The following POFUT2 variants were observed in gnomAD, a reference collection of about 807,000 sequenced individuals.
The protein encoded by POFUT2 is GDP-fucose protein O-fucosyltransferase 2.
A neutral mutation model predicts 55.0 loss-of-function variants in POFUT2; 30 were observed. That is an observed-to-expected ratio of 0.55 (90% CI 0.41 to 0.74). The LOEUF is 0.74. Ranked by LOEUF, POFUT2 falls within the 30% of genes least tolerant of loss-of-function variation. The pLI, the probability that POFUT2 is intolerant of heterozygous loss-of-function variation, is 0.00. For missense variants in POFUT2, 524 were observed against 562.6 expected (o/e 0.93, Z 0.69); for synonymous variants, 267 against 231.1 (o/e 1.16, Z -1.41).
chr21:45,267,130 G>C lies in POFUT2; in HGVS notation c.1136+460C>G. The C allele has an allele frequency of 8.2e-7, 1 of 1,225,718 alleles. No individual in the cohort carries two copies. Among genetic ancestry groups the C allele is most frequent in the Admixed American group, 4.0e-5 (1 of 25,080 alleles). The allele number at this position is 1,225,718 out of a possible 1,614,324, so 75.9% of individuals were successfully genotyped here. On this transcript the variant is annotated intron_variant, in intron 8 of 8. Transcript: ENST00000349485. This position sits in a 1 kb window ranked among gnomAD's most constrained non-coding sequence, Gnocchi z 4.4. ...GATCACACGAGGGCCCATGCTCCCA[G>C]CCTTGGGGACGCTCATGGCAGCCCC...
At chr21:45,279,359 C>T (rs974049762) in intron 4 of POFUT2, among the ~76,000 whole-genome samples, 5 of 152,158 alleles carry the variant, frequency 3.3e-5, no homozygotes, top group Non-Finnish European at 5.9e-5. Flanking sequence ...CGCGCCACTG[C>T]ACTCCAGCCT....
At position 45,287,839 on chromosome 21, in the gene POFUT2, C is replaced by A; in HGVS notation, c.33G>T (p.Leu11=). The change falls in exon 1 of 9, where the codon CTG becomes CTT. Residue 11 remains leucine (L), a synonymous_variant. Coordinates refer to ENST00000349485, the MANE Select transcript of POFUT2 (RefSeq NM_133635.6). ...AAGCCGGAGGCCAGGACACTGCCCC[C>A]AGCAGCAGGAAGACGAAGCTGAGTG... MATLSFVFLL[L]GAVSWPPASA... is the part of the protein sequence containing the mutation. 6.9e-7 allele frequency: 1 copy of A among 1,453,110 alleles called. No individual in the cohort carries two copies. The highest frequency in any genetic ancestry group is 9.1e-7 in the Non-Finnish European group (1 of 1,095,528). 90.0% of individuals were successfully genotyped at this position (1,453,110 alleles called of 1,614,324 possible).
rs1233069929 is a variant in POFUT2 at position 45,267,663 on chromosome 21, T to C, written c.1063A>G (p.Thr355Ala). 6.2e-7 allele frequency: 1 copy of C among 1,614,222 alleles called. No individual in the cohort carries two copies. The highest frequency in any genetic ancestry group is 1.1e-5 in the South Asian group (1 of 91,090). ...LLPEMVRFEP[T>A]WEELELYKDG... Reference sequence around the variant, plus strand: ...TTGTAGAGCTCCAGCTCCTCCCACGTGGGTTCAAACCTCACCATCTCGGGT... The same window carrying C: ...TTGTAGAGCTCCAGCTCCTCCCACGCGGGTTCAAACCTCACCATCTCGGGT... The change falls in exon 8 of 9, where the codon ACG (threonine) becomes GCG (alanine). Residue 355 changes from threonine to alanine, a missense_variant. This residue lies in a region of POFUT2 where 250 missense variants were observed against 318.2 expected (regional missense o/e 0.79). Coordinates refer to ENST00000349485, the MANE Select transcript of POFUT2 (RefSeq NM_133635.6). The surrounding 1 kb of genome is among the most constrained non-coding windows in gnomAD (Gnocchi z 4.4).
chr21:45,275,190 T>C (rs2093251869), intron 6 of POFUT2, among the ~76,000 whole-genome samples: 1 of 152,096 alleles, frequency 6.6e-6, no homozygotes, highest in Non-Finnish European at 1.5e-5. Flanking sequence ...TCACTAATGA[T>C]CAGGGAAATG....
rs1167856331 is a variant in POFUT2 at position 45,287,815 on chromosome 21, A to C, written c.57T>G (p.Ala19=). 3 of 1,502,590 alleles carry C rather than the reference A, an allele frequency of 2.0e-6. No individual in the cohort carries two copies. Among genetic ancestry groups the C allele is most frequent in the African/African-American group, 2.9e-5 (2 of 68,788 alleles). The allele number at this position is 1,502,590 out of a possible 1,614,324, so 93.1% of individuals were successfully genotyped here. A position where few individuals can be genotyped will look rare whatever the true frequency, so the allele number is the denominator to read the frequency against. ...GCCAGAACTCCTGGCCGGAGGCAGA[A>C]GCCGGAGGCCAGGACACTGCCCCCA... The part of the protein sequence containing the change: ...LLLGAVSWPP[A]SASGQEFWPG... The change falls in exon 1 of 9, where the codon GCT becomes GCG. Residue 19 remains alanine (A), a synonymous_variant. Transcript: ENST00000349485.
intron 3 of POFUT2, 22 bp downstream of exon 3, chr21:45,283,361 G>A (rs752131795): frequency 3.2e-6 from 5 of 1,583,038 alleles, no homozygotes; most frequent in South Asian, 2.2e-5. Context: ...CCTGCGGCAG[G>A]GGGAGCAGCC....
intron 1 of POFUT2, among the ~76,000 whole-genome samples, chr21:45,287,485 C>T (rs574439321): frequency 1.3e-5 from 1 of 77,292 alleles, no homozygotes; most frequent in African/African-American, 5.6e-5. Flanking sequence ...CCGCCACATT[C>T]CTTGCCCCAG....
Position 45,281,285 on chromosome 21 carries a change from A to G in POFUT2, c.638+1064T>C, listed in dbSNP as rs2030607058. ...AAAAACTGACTGGCAAGACTGTTCCACAGGCCCCAAACGTAGGCAGACTGG... is the reference window on the plus strand; with the variant it reads ...AAAAACTGACTGGCAAGACTGTTCCGCAGGCCCCAAACGTAGGCAGACTGG... On this transcript the variant is annotated intron_variant, in intron 4 of 8. Coordinates refer to ENST00000349485, the MANE Select transcript of POFUT2 (RefSeq NM_133635.6). This position sits in a 1 kb window ranked among gnomAD's most constrained non-coding sequence, Gnocchi z 5.0. 6.6e-6 allele frequency among the ~76,000 whole-genome samples: 1 copy of G among 152,224 alleles called. No individual in the cohort carries two copies. Among genetic ancestry groups the G allele is most frequent in the Non-Finnish European group, 1.5e-5 (1 of 68,044 alleles).
chr21:45,268,768 G>A (rs936758593), intron 7 of POFUT2, among the ~76,000 whole-genome samples: 2 of 151,196 alleles, frequency 1.3e-5, no homozygotes, highest in African/African-American at 2.4e-5. Flanking sequence ...TCTGGGAAGT[G>A]AGGAGCGTCT....
At chr21:45,269,164 G>T (rs1458642164) in intron 7 of POFUT2, among the ~76,000 whole-genome samples, 1 of 132,738 alleles carries the variant, frequency 7.5e-6, no homozygotes, top group South Asian at 2.6e-4. Flanking sequence ...GGAGGGAGGT[G>T]GGGGGGTCAG....
At position 45,285,700 on chromosome 21, in the gene POFUT2, G is replaced by A. The variant is rs148250784; in HGVS notation, c.360C>T (p.Ile120=). The A allele has an allele frequency of 7.4e-6, 12 of 1,613,644 alleles. No individual in the cohort carries two copies. Among genetic ancestry groups the A allele is most frequent in the Non-Finnish European group, 8.5e-6 (10 of 1,180,040 alleles). The change falls in exon 2 of 9, where the codon ATC becomes ATT. Residue 120 remains isoleucine, a synonymous_variant. Transcript: ENST00000349485. This position sits in a 1 kb window ranked among gnomAD's most constrained non-coding sequence, Gnocchi z 4.9. ...CACCTGCGATGAACTGCTCATACTC[G>A]ATGACGGGGATGTTTTTATTGAGAC... The part of the protein sequence containing the change: ...LPSLNKNIPV[I]EYEQFIAESG...
chr21:45,279,344 G>A (rs1222662549), intron 4 of POFUT2, among the ~76,000 whole-genome samples: 4 of 152,026 alleles, frequency 2.6e-5, no homozygotes, highest in African/African-American at 4.8e-5. Flanking sequence ...GCAGTGAGCC[G>A]AGATCGCGCC....
intron 6 of POFUT2, among the ~76,000 whole-genome samples, chr21:45,274,064 C>T (rs2093241888): frequency 6.6e-6 from 1 of 152,136 alleles, no homozygotes; most frequent in South Asian, 2.1e-4. Flanking sequence ...ACCTAGGAAA[C>T]CCTAAAGACT....
At chr21:45,266,363 T>G in intron 8 of POFUT2, 2 of 1,295,030 alleles carry the variant, frequency 1.5e-6, no homozygotes, top group South Asian at 2.5e-5. Context: ...GGGGAGACCC[T>G]CACCACCCCA....
Position 45,265,504 on chromosome 21 carries a change from G to A in POFUT2, c.1268C>T (p.Thr423Ile), listed in dbSNP as rs956661387. ...GDQEKACEQP[T>I]HWKITY is the part of the protein sequence containing the mutation. ...TCCTCAGTAGGTGATCTTCCAGTGG[G>A]TGGGTTGCTCACACGCCTTCTCTTG... is the stretch of plus-strand genomic sequence containing the variant. Residue 423 changes from threonine (T) to isoleucine (I), a missense_variant, in exon 9 of 9, where the codon ACC (threonine) becomes ATC (isoleucine). Around this residue, in one of 2 missense-constraint regions of POFUT2, gnomAD observed 250 missense variants for 318.2 expected, o/e 0.79. Transcript: ENST00000349485. The surrounding 1 kb of genome is among the most constrained non-coding windows in gnomAD (Gnocchi z 4.6). 1.9e-6 allele frequency: 3 copies of A among 1,613,630 alleles called. No homozygotes were observed. Among genetic ancestry groups the A allele is most frequent in the Middle Eastern group, 1.7e-4 (1 of 6,000 alleles).
chr21:45,267,457 G>T lies in POFUT2; in HGVS notation c.1136+133C>A. On this transcript the variant is annotated intron_variant, in intron 8 of 8. Coordinates refer to ENST00000349485, the MANE Select transcript of POFUT2 (RefSeq NM_133635.6). The surrounding 1 kb of genome is among the most constrained non-coding windows in gnomAD (Gnocchi z 4.4). ...ACCAGATGCTACAGGAGACTCAGAC[G>T]AGGAGGCAAACAGTATGGAAATGAC... 1.2e-6 allele frequency: 2 copies of T among 1,613,976 alleles called. No homozygotes were observed.
chr21:45,272,713 C>G lies in POFUT2; in HGVS notation c.832-2694G>C, dbSNP rs558632715. Among the ~76,000 whole-genome samples, 3 of 152,182 alleles carry G rather than the reference C, an allele frequency of 2.0e-5. No individual in the cohort carries two copies. In the East Asian group the frequency reaches 5.8e-4, roughly 29 times the overall value. The stretch of plus-strand genomic sequence containing the variant: ...AATTATGTCAAGTACCCTCTCAGAC[C>G]ACAGTGGAGTAAAACTGGAAATTAA... On this transcript the variant is annotated intron_variant, in intron 6 of 8. Transcript: ENST00000349485.
chr21:45,275,539 A>C (rs1188151480), intron 6 of POFUT2, among the ~76,000 whole-genome samples: 2 of 152,254 alleles, frequency 1.3e-5, no homozygotes, highest in African/African-American at 4.8e-5. Context: ...TTGACCAATG[A>C]GTGGATAAAG....
In POFUT2 at chr21:45,285,941, A is replaced by G. The variant is rs773498220; in HGVS notation, c.132-13T>C. The G allele has an allele frequency of 6.3e-6, 10 of 1,591,590 alleles. No homozygotes were observed. The highest frequency in any genetic ancestry group is 5.5e-5 in the South Asian group (5 of 90,152). The stretch of plus-strand genomic sequence containing the variant: ...ATACAGAAGATACCTGAGCAGGGAG[A>G]AGGAGGACCACAGGTCTCAAATGCT... On this transcript the variant is annotated splice_polypyrimidine_tract_variant and intron_variant, in intron 1 of 8. Transcript: ENST00000349485. This position sits in a 1 kb window ranked among gnomAD's most constrained non-coding sequence, Gnocchi z 4.9.
Sources: allele counts gnomAD v4.1 joint callset (sites outside exome capture counted in the v4.1 genomes callset), GRCh38; gene constraint gnomAD v4.1.1; regional missense constraint gnomAD v4.1.1; non-coding constraint Gnocchi (gnomAD v3.1); transcripts MANE v1.5; gene names NCBI Gene and HGNC (gene_info 2026-07-23, HGNC 2026-07-21).